RASEF: variants seen among roughly 807,000 people sequenced by gnomAD.
RASEF encodes the protein ras and EF-hand domain-containing protein.
Under a neutral mutation model 90.1 loss-of-function variants are expected in RASEF, and 68 were observed. The ratio of observed to expected loss-of-function variants is 0.75; its 90% CI spans 0.62 to 0.92. The LOEUF (loss-of-function observed/expected upper bound fraction) is 0.92. RASEF is among the 40% of genes least tolerant of loss of function. RASEF has a pLI of 0.00. For missense variants in RASEF, 949 were observed against 937.2 expected (o/e 1.01, Z -0.16); for synonymous variants, 331 against 345.2 (o/e 0.96, Z 0.46).
At chr9:83,119,166 C>T in the RASEF span, among the ~76,000 whole-genome samples, 47 of 132,176 alleles carry the variant, frequency 3.6e-4, no homozygotes, top group African/African-American at 1.3e-3. Context: ...TGCCACCATG[C>T]GGGCTATTTT....
chr9:83,066,142 T>C (rs958047005), upstream of RASEF, among the ~76,000 whole-genome samples: 2 of 152,254 alleles, frequency 1.3e-5, no homozygotes, highest in Non-Finnish European at 2.9e-5. Flanking sequence ...GTCTCTATCA[T>C]GGCTTTTATT....
At chr9:83,190,434 C>A in the RASEF span, among the ~76,000 whole-genome samples, 1 of 152,166 alleles carries the variant, frequency 6.6e-6, no homozygotes, top group African/African-American at 2.4e-5. Flanking sequence ...CAGAGACAAA[C>A]AAGAAAACAT....
In RASEF at chr9:83,007,474, C is replaced by T. The variant is rs772911466; in HGVS notation, c.991G>A (p.Asp331Asn). The change falls in exon 7 of 17, where the codon GAT (aspartate) becomes AAT (asparagine). Residue 331 changes from aspartate to asparagine, a missense_variant. Transcript: ENST00000376447. ...ATTTGCCTCTCAAGACTATTTCGAT[C>T]TTCTGTGTATGCTCGGATTATTTCC... ...DLEIIRAYTE[D>N]RNSLERQIEI... 1.9e-6 allele frequency: 3 copies of T among 1,613,268 alleles called. No homozygotes were observed. Among genetic ancestry groups the T allele is most frequent in the South Asian group, 2.2e-5 (2 of 91,070 alleles).
intron 1 of RASEF, among the ~76,000 whole-genome samples, chr9:83,031,723 A>T (rs1173730171): frequency 5.3e-5 from 8 of 152,234 alleles, no homozygotes; most frequent in Non-Finnish European, 8.8e-5. Flanking sequence ...TGCTACAAGG[A>T]TTACCCACGT....
At chr9:83,013,067 C>T (rs1401043592) in intron 4 of RASEF, among the ~76,000 whole-genome samples, 1 of 152,132 alleles carries the variant, frequency 6.6e-6, no homozygotes, top group African/African-American at 2.4e-5. Context: ...ATTATATATA[C>T]CTACATTTAA....
At chr9:83,092,886 C>G in the RASEF span, among the ~76,000 whole-genome samples, 1 of 152,192 alleles carries the variant, frequency 6.6e-6, no homozygotes, top group Admixed American at 6.5e-5. Context: ...CTCCAAGGCC[C>G]CACCAGAGTA....
At chr9:83,181,185 TA>T in the RASEF span, among the ~76,000 whole-genome samples, 451 of 139,050 alleles carry the variant, frequency 3.2e-3, no homozygotes, top group Middle Eastern at 3.7e-3. Flanking sequence ...AGCCTGATCT[TA>T]AAAAAAAAAA....
the RASEF span, among the ~76,000 whole-genome samples, chr9:83,090,556 A>G: frequency 6.6e-6 from 1 of 152,050 alleles, no homozygotes; most frequent in African/African-American, 2.4e-5. Context: ...GGCATATGCC[A>G]CCACACCTGG....
the RASEF span, among the ~76,000 whole-genome samples, chr9:83,103,015 C>G: frequency 6.6e-6 from 1 of 152,200 alleles, no homozygotes; most frequent in Non-Finnish European, 1.5e-5. Context: ...TACATCTACA[C>G]GGGCCACTTC....
the RASEF span, among the ~76,000 whole-genome samples, chr9:83,196,492 A>G: frequency 4.9e-3 from 744 of 152,320 alleles, 4 homozygotes; most frequent in African/African-American, 0.017. Flanking sequence ...AGTGGGAGAC[A>G]GGGCAAAAAG....
intron 2 of RASEF, among the ~76,000 whole-genome samples, chr9:83,025,392 A>C (rs1010250924): frequency 3.9e-5 from 6 of 152,238 alleles, no homozygotes; most frequent in African/African-American, 1.4e-4. Context: ...ATTGAGACTC[A>C]GGGAAATTAA....
intron 4 of RASEF, among the ~76,000 whole-genome samples, chr9:83,014,965 A>G (rs576110345): frequency 6.6e-6 from 1 of 152,354 alleles, no homozygotes; most frequent in East Asian, 1.9e-4. Flanking sequence ...AGGAAAAGCC[A>G]AAAACCAACC....
At chr9:83,085,927 A>G in the RASEF span, among the ~76,000 whole-genome samples, 8 of 152,198 alleles carry the variant, frequency 5.3e-5, no homozygotes, top group Admixed American at 1.3e-4. Flanking sequence ...TCCATCTCCA[A>G]AAAAAATAAA....
At chr9:83,124,695 T>TA in the RASEF span, among the ~76,000 whole-genome samples, 2 of 152,216 alleles carry the variant, frequency 1.3e-5, no homozygotes, top group East Asian at 3.8e-4. Context: ...TATCAGTTGT[T>TA]ACGCAAAACT....
At chr9:83,219,127 T>C in the RASEF span, among the ~76,000 whole-genome samples, 2 of 152,138 alleles carry the variant, frequency 1.3e-5, no homozygotes, top group African/African-American at 4.8e-5. Flanking sequence ...AAGTAATAAA[T>C]AATAATAATA....
At chr9:83,008,712 C>T (rs114882049) in intron 6 of RASEF, among the ~76,000 whole-genome samples, 2,061 of 151,970 alleles carry the variant, frequency 0.014, 46 homozygotes, top group African/African-American at 0.046. Flanking sequence ...CCAGCATCAC[C>T]TCTTCAATAC....
At chr9:83,187,847 G>A in the RASEF span, among the ~76,000 whole-genome samples, 2 of 152,174 alleles carry the variant, frequency 1.3e-5, no homozygotes, top group East Asian at 1.9e-4. Flanking sequence ...ACAGCTACTC[G>A]ATACTTTGCT....
At chr9:83,014,905 C>T (rs989144047) in intron 4 of RASEF, among the ~76,000 whole-genome samples, 1 of 152,316 alleles carries the variant, frequency 6.6e-6, no homozygotes, top group Admixed American at 6.5e-5. Flanking sequence ...TGTTAAACAA[C>T]TGCCAGAGTA....
At chr9:83,013,268 T>C (rs1210383698) in intron 4 of RASEF, among the ~76,000 whole-genome samples, 1 of 152,204 alleles carries the variant, frequency 6.6e-6, no homozygotes, top group Admixed American at 6.5e-5. Context: ...CTGGGAATGG[T>C]AGGGATCTGT....
Sources: gnomAD v4.1 joint callset for allele counts (sites outside exome capture counted in the v4.1 genomes callset) on GRCh38, gnomAD v4.1.1 for gene constraint, MANE v1.5 for transcripts, NCBI Gene and HGNC (gene_info 2026-07-23, HGNC 2026-07-21) for gene names.